The following SMCHD1 variants were observed in gnomAD, a reference collection of about 807,000 sequenced individuals.
SMCHD1 encodes the protein structural maintenance of chromosomes flexible hinge domain-containing protein 1.
A neutral mutation model predicts 254.7 loss-of-function variants in SMCHD1; 78 were observed. That is an observed-to-expected ratio of 0.31 (90% CI 0.26 to 0.37). The LOEUF (loss-of-function observed/expected upper bound fraction) is 0.37. SMCHD1 is among the 10% of genes least tolerant of loss of function. SMCHD1 has a pLI of 1.00. For missense variants in SMCHD1, 1,840 were observed against 2,408.1 expected (o/e 0.76, Z 4.94); for synonymous variants, 766 against 794.9 (o/e 0.96, Z 0.61).
In SMCHD1 at chr18:2,656,061, C is replaced by T; in HGVS notation, c.-15C>T. The T allele has an allele frequency of 1.5e-6, 2 of 1,364,886 alleles. No individual in the cohort carries two copies. The highest frequency in any genetic ancestry group is 1.9e-6 in the Non-Finnish European group (2 of 1,053,630). 84.5% of individuals were successfully genotyped at this position (1,364,886 alleles called of 1,614,324 possible). A position where few individuals can be genotyped will look rare whatever the true frequency, so the allele number is the denominator to read the frequency against. ...GCGGCGGCAGGCGTCGCTGTCTTTT[C>T]TCCTTTTCCCCAATATGGCAGCGGC... is the stretch of plus-strand genomic sequence containing the variant. On this transcript the variant is annotated 5_prime_UTR_variant, in exon 1 of 48. Transcript: ENST00000320876.
At chr18:2,701,168 T>TG (rs911087450) in intron 12 of SMCHD1, 2 of 268,640 alleles carry the variant, frequency 7.4e-6, no homozygotes, top group Non-Finnish European at 1.4e-5. Flanking sequence ...TTTTTTGTTT[T>TG]TTTTTTTTTA....
At chr18:2,731,984 C>T (rs1433721125) in intron 24 of SMCHD1, among the ~76,000 whole-genome samples, 2 of 152,170 alleles carry the variant, frequency 1.3e-5, no homozygotes, top group Non-Finnish European at 2.9e-5. Flanking sequence ...GCCCTCCAGC[C>T]TAGGAGGCAA....
In SMCHD1 at chr18:2,796,030, G is replaced by T. The variant is rs779941077; in HGVS notation, c.5801G>T (p.Arg1934Leu). 1.3e-6 allele frequency: 2 copies of T among 1,592,336 alleles called. No homozygotes were observed. Among genetic ancestry groups the T allele is most frequent in the Non-Finnish European group, 8.6e-7 (1 of 1,168,912 alleles). Residue 1934 changes from arginine (R) to leucine (L), a missense_variant, in exon 46 of 48, where the codon CGC becomes CTC. By Grantham distance (102) the Arg-to-Leu change is moderately radical. Transcript: ENST00000320876. ...CTTAACAGTCAATTAGAGTACCTTC[G>T]CACTCCGGATATGAGGAAGAAAAAG... ...KDLNSQLEYL[R>L]TPDMRKKKQE...
At chr18:2,723,575 G>C (rs1434794473) in intron 20 of SMCHD1, among the ~76,000 whole-genome samples, 1 of 152,124 alleles carries the variant, frequency 6.6e-6, no homozygotes, top group African/African-American at 2.4e-5. Context: ...GGTTCCAAGT[G>C]AGTCAAAGAA....
rs1198273154 is a variant in SMCHD1 at position 2,763,646 on chromosome 18, G to A, written c.4576G>A (p.Asp1526Asn). The A allele has an allele frequency of 5.1e-6, 8 of 1,568,480 alleles. No homozygotes were observed. The Admixed American group carries it at 6.4e-5, about 12-fold the overall frequency. The change falls in exon 37 of 48, where the codon GAC becomes AAC. Residue 1526 changes from aspartate (D) to asparagine (N), a missense_variant. Physicochemically the swap from Asp to Asn is conservative, Grantham distance 23. This residue lies in a region of SMCHD1 where 881 missense variants were observed against 1,009.5 expected (regional missense o/e 0.87). Transcript: ENST00000320876. ...CATTTTTTGTTTTAAGGATGACTACGACAACCATACTGGAATTGATTTGGT... is the reference window on the plus strand; with the variant it reads ...CATTTTTTGTTTTAAGGATGACTACAACAACCATACTGGAATTGATTTGGT... Reference protein sequence around the residue: ...DLHLSITDDYDNHTGIDLVGT... With the variant: ...DLHLSITDDYNNHTGIDLVGT...
chr18:2,802,641 C>A lies in SMCHD1; in HGVS notation c.*89C>A. The A allele has an allele frequency of 8.0e-7, 1 of 1,243,912 alleles. No homozygotes were observed. Among genetic ancestry groups the A allele is most frequent in the Non-Finnish European group, 1.1e-6 (1 of 898,586 alleles). 77.1% of individuals were successfully genotyped at this position (1,243,912 alleles called of 1,614,324 possible). ...TCAGAAGACCAAGAGGGTGACTTAC[C>A]AGACTGAGTATTTCTGGGGACAATA... is the stretch of plus-strand genomic sequence containing the variant. On this transcript the variant is annotated 3_prime_UTR_variant, in exon 48 of 48. Transcript: ENST00000320876.
chr18:2,666,134 A>G (rs746302088), intron 1 of SMCHD1, 23 bp from the exon 2 acceptor site: 1 of 1,159,780 alleles, frequency 8.6e-7, no homozygotes, highest in South Asian at 1.4e-5. Flanking sequence ...GTAATAAGTG[A>G]TTTTATTTCT....
intron 3 of SMCHD1, 61 bp downstream of exon 3, chr18:2,667,092 G>T (rs576957973): frequency 8.4e-7 from 1 of 1,186,928 alleles, no homozygotes; most frequent in Non-Finnish European, 1.2e-6. Flanking sequence ...CCCTGATTAC[G>T]TATCCCATTC....
intron 25 of SMCHD1, among the ~76,000 whole-genome samples, chr18:2,733,438 T>G (rs888425795): frequency 6.6e-6 from 1 of 152,216 alleles, no homozygotes; most frequent in African/African-American, 2.4e-5. Flanking sequence ...TGATTGCAGC[T>G]TTTGAGTTCC....
rs372694951 is a variant in SMCHD1, at chr18:2,685,094, A to ATTTTTTTTTTTT, written c.639-3293_639-3292insTTTTTTTTTTTT. ...AGCACACTGTTCTGTTCTGTCCCTT[A>ATTTTTTTTTTTT]TTTTTTTCTTTTTTTTTTTTTTTTG... On this transcript the variant is annotated intron_variant, in intron 5 of 47. Coordinates refer to ENST00000320876, the MANE Select transcript of SMCHD1 (RefSeq NM_015295.3). 2.2e-4 allele frequency among the ~76,000 whole-genome samples: 18 copies of ATTTTTTTTTTTT among 81,880 alleles called. 4 individuals carry two copies. Among genetic ancestry groups the ATTTTTTTTTTTT allele is most frequent in the East Asian group, 7.7e-4 (2 of 2,582 alleles). The allele number at this position is 81,880 out of a possible 152,430, so 53.7% of individuals were successfully genotyped here.
chr18:2,675,870 CA>C (rs1295021703), intron 5 of SMCHD1, among the ~76,000 whole-genome samples: 1 of 152,150 alleles, frequency 6.6e-6, no homozygotes, highest in Non-Finnish European at 1.5e-5. Context: ...TAAACTTAAC[CA>C]AATATTAGGG....
chr18:2,677,627 T>C, intron 5 of SMCHD1, among the ~76,000 whole-genome samples: 1 of 152,188 alleles, frequency 6.6e-6, no homozygotes, highest in Middle Eastern at 3.2e-3. Flanking sequence ...TTTAATAGTT[T>C]TGTTTTGTTT....
At chr18:2,762,458 C>T (rs1385529700) in intron 36 of SMCHD1, among the ~76,000 whole-genome samples, 1 of 150,122 alleles carries the variant, frequency 6.7e-6, no homozygotes, top group South Asian at 2.1e-4. Flanking sequence ...ATAAGCAGAA[C>T]TGACTCAAAA....
At chr18:2,734,435 C>T (rs1006192273) in intron 25 of SMCHD1, among the ~76,000 whole-genome samples, 4 of 152,066 alleles carry the variant, frequency 2.6e-5, no homozygotes, top group Non-Finnish European at 5.9e-5. Flanking sequence ...TATGTCTGTG[C>T]ACTTCTTCAT....
intron 47 of SMCHD1, among the ~76,000 whole-genome samples, chr18:2,797,190 A>G (rs1338066004): frequency 6.6e-6 from 1 of 152,174 alleles, no homozygotes; most frequent in Non-Finnish European, 1.5e-5. Flanking sequence ...CTTATTTTAA[A>G]ATTGCTTATA....
rs528591219 is a variant in SMCHD1, at chr18:2,753,847, G to A, written c.4346+1295G>A. ...GGTGGGATTACAAGCATGAGCCACC[G>A]TGCCCGGCCCTTCCCAACACGGTTT... On this transcript the variant is annotated intron_variant, in intron 34 of 47. Transcript: ENST00000320876. Among the ~76,000 whole-genome samples the A allele has an allele frequency of 3.4e-4, 52 of 152,186 alleles. 1 individual carries two copies. The South Asian group carries it at 8.5e-3, about 25-fold the overall frequency.
intron 42 of SMCHD1, 91 bp from the exon 43 acceptor site, chr18:2,777,715 T>G: frequency 1.6e-6 from 1 of 628,140 alleles, no homozygotes; most frequent in South Asian, 2.4e-5. Context: ...ATCAAAATGA[T>G]GTGCAATATA....
At chr18:2,771,658 G>A (rs759245182) in intron 40 of SMCHD1, 40 bp downstream of exon 40, 2 of 1,404,804 alleles carry the variant, frequency 1.4e-6, no homozygotes, top group African/African-American at 1.5e-5. Context: ...TTTTATTAAA[G>A]TCTATTCTAC....
chr18:2,693,700 TG>T (rs368607773), intron 7 of SMCHD1, among the ~76,000 whole-genome samples: 5 of 152,316 alleles, frequency 3.3e-5, no homozygotes, highest in African/African-American at 7.2e-5. Flanking sequence ...GGCGCGATCT[TG>T]GCTCACTGCA....
Sources: gnomAD v4.1 joint callset for allele counts (sites outside exome capture counted in the v4.1 genomes callset) on GRCh38, gnomAD v4.1.1 for gene constraint, gnomAD v4.1.1 regional missense constraint, MANE v1.5 for transcripts, NCBI Gene and HGNC (gene_info 2026-07-23, HGNC 2026-07-21) for gene names.